The following FAM227B variants were observed in gnomAD, a reference collection of about 807,000 sequenced individuals.
FAM227B encodes the protein family with sequence similarity 227 member B, also known as protein FAM227B.
Under a neutral mutation model 73.8 loss-of-function variants are expected in FAM227B, and 88 were observed. That is an observed-to-expected ratio of 1.19 (90% confidence interval 1.00 to 1.42). The LOEUF (loss-of-function observed/expected upper bound fraction) is 1.42. FAM227B is among the 40% of genes most tolerant of loss of function. The pLI is 0.00. For synonymous variants in FAM227B, 210 were observed against 190.5 expected (o/e 1.10, Z -0.84); for missense variants, 632 against 590.9 (o/e 1.07, Z -0.72).
intron 13 of FAM227B, among the ~76,000 whole-genome samples, chr15:49,352,370 A>T (rs1189764231): frequency 6.6e-6 from 1 of 152,226 alleles, no homozygotes; most frequent in Non-Finnish European, 1.5e-5. Context: ...TAACAGGAGC[A>T]TGTGGGAAGG....
At chr15:49,508,640 T>C (rs972268915) in intron 10 of FAM227B, among the ~76,000 whole-genome samples, 6 of 152,042 alleles carry the variant, frequency 3.9e-5, no homozygotes, top group Admixed American at 2.6e-4. Context: ...TAATATTATA[T>C]GTTAACAATA....
At chr15:49,588,202 A>C (rs2076289537) in intron 4 of FAM227B, 119 bp from the exon 5 acceptor site, 1 of 565,972 alleles carries the variant, frequency 1.8e-6, no homozygotes, top group African/African-American at 1.9e-5. Flanking sequence ...GAAATCAATT[A>C]GCAATTGTGA....
chr15:49,401,962 T>G (rs2048187264), intron 11 of FAM227B, among the ~76,000 whole-genome samples: 1 of 150,628 alleles, frequency 6.6e-6, no homozygotes, highest in Non-Finnish European at 1.5e-5. Context: ...GTAACTAACC[T>G]GCACAATGTG....
In FAM227B at chr15:49,466,231, G is replaced by A. The variant is rs193185337; in HGVS notation, c.1012+41980C>T. On this transcript the variant is annotated intron_variant, in intron 11 of 15. Coordinates refer to ENST00000299338, the MANE Select transcript of FAM227B (RefSeq NM_152647.3). ...TGTTGGATCAGACTTTCTGAGGAACGGGAACTGGAAACCTGAAAATCTTTT... is the reference window on the plus strand; with the variant it reads ...TGTTGGATCAGACTTTCTGAGGAACAGGAACTGGAAACCTGAAAATCTTTT... Among the ~76,000 whole-genome samples the A allele has an allele frequency of 1.4e-3, 208 of 152,272 alleles. No homozygotes were observed. The South Asian group carries it at 0.019, about 14-fold the overall frequency.
intron 9 of FAM227B, among the ~76,000 whole-genome samples, chr15:49,552,788 T>C (rs983916540): frequency 5.3e-5 from 8 of 152,140 alleles, no homozygotes. Flanking sequence ...AGTGTGCCAA[T>C]TGCATTTTCA....
rs535464559 is a variant in FAM227B at position 49,472,463 on chromosome 15, G to C, written c.1012+35748C>G. On this transcript the variant is annotated intron_variant, in intron 11 of 15. Coordinates refer to ENST00000299338, the MANE Select transcript of FAM227B (RefSeq NM_152647.3). Reference sequence around the variant, plus strand: ...TGCCATAGGACACTTCAGTTAAATCGCATCAGCTAAAACTTGGTCACATGG... The same window carrying C: ...TGCCATAGGACACTTCAGTTAAATCCCATCAGCTAAAACTTGGTCACATGG... Among the ~76,000 whole-genome samples, 32 of 152,230 alleles carry C rather than the reference G, an allele frequency of 2.1e-4. No individual in the cohort carries two copies. In the South Asian group the frequency reaches 4.6e-3, roughly 22 times the overall value.
chr15:49,434,268 A>C (rs2050883434), intron 11 of FAM227B: 1 of 151,608 alleles, frequency 6.6e-6, no homozygotes, highest in African/African-American at 2.4e-5. Context: ...AGATATGCAA[A>C]ATTTTAAAGG....
At chr15:49,383,518 T>C (rs1454238023) in intron 11 of FAM227B, among the ~76,000 whole-genome samples, 2 of 152,160 alleles carry the variant, frequency 1.3e-5, no homozygotes, top group African/African-American at 4.8e-5. Context: ...ACTCACTTTG[T>C]TGCAATATTT....
intron 11 of FAM227B, among the ~76,000 whole-genome samples, chr15:49,403,195 G>A (rs2048292291): frequency 6.6e-6 from 1 of 152,110 alleles, no homozygotes; most frequent in Non-Finnish European, 1.5e-5. Flanking sequence ...ATTTGGTTGA[G>A]GATTTTTGCA....
chr15:49,354,703 AAC>A (rs1491310215), intron 13 of FAM227B, among the ~76,000 whole-genome samples: 13 of 152,198 alleles, frequency 8.5e-5, no homozygotes, highest in Admixed American at 2.6e-4. Flanking sequence ...AGGTAAACAA[AAC>A]AGTCGGGAAG....
At chr15:49,560,200 T>TA (rs35808200) in intron 9 of FAM227B, among the ~76,000 whole-genome samples, 38,091 of 151,868 alleles carry the variant, frequency 0.25, 5,753 homozygotes, top group Non-Finnish European at 0.35. Flanking sequence ...GCACTGGAAA[T>TA]AAAAAACTCA....
At chr15:49,402,394 A>T (rs1450568915) in intron 11 of FAM227B, among the ~76,000 whole-genome samples, 1 of 152,148 alleles carries the variant, frequency 6.6e-6, no homozygotes, top group Non-Finnish European at 1.5e-5. Flanking sequence ...CACAATATTG[A>T]TTCTGTCTAT....
At chr15:49,372,110 T>A (rs1285205048) in intron 11 of FAM227B, among the ~76,000 whole-genome samples, 1 of 91,148 alleles carries the variant, frequency 1.1e-5, no homozygotes, top group Non-Finnish European at 2.4e-5. Flanking sequence ...GAAATAAAAT[T>A]CATTTATAAA....
chr15:49,478,410 G>A (rs1424966923), intron 11 of FAM227B, among the ~76,000 whole-genome samples: 1 of 151,298 alleles, frequency 6.6e-6, no homozygotes, highest in Admixed American at 6.6e-5. Context: ...TTGCATATAT[G>A]TATATGTCGG....
chr15:49,607,838 T>G (rs952169499), intron 3 of FAM227B, among the ~76,000 whole-genome samples: 2 of 152,196 alleles, frequency 1.3e-5, no homozygotes, highest in South Asian at 4.1e-4. Flanking sequence ...TATCTTGGAG[T>G]AGATCATATC....
Position 49,433,426 on chromosome 15 carries a change from C to T in FAM227B, c.1013-62027G>A, listed in dbSNP as rs542058271. ...AAAAGAGGGGAGAAAGATTAGTGAT[C>T]ACTCAATATATTTATCCTTTAATTT... On this transcript the variant is annotated intron_variant, in intron 11 of 15. Transcript: ENST00000299338. Among the ~76,000 whole-genome samples, 18 of 151,672 alleles carry T rather than the reference C, an allele frequency of 1.2e-4. No homozygotes were observed. The South Asian group carries it at 1.5e-3, about 12-fold the overall frequency.
chr15:49,430,237 T>C (rs996765084), intron 11 of FAM227B, among the ~76,000 whole-genome samples: 2 of 151,942 alleles, frequency 1.3e-5, no homozygotes, highest in Admixed American at 1.3e-4. Flanking sequence ...ATAGGTTCTG[T>C]ACCACAGCCT....
chr15:49,379,929 A>C (rs976894004), intron 11 of FAM227B, among the ~76,000 whole-genome samples: 5 of 152,118 alleles, frequency 3.3e-5, no homozygotes, highest in Admixed American at 1.3e-4. Flanking sequence ...AGGGCTTTAC[A>C]ATCAGCTGGT....
At chr15:49,422,517 G>A in intron 11 of FAM227B, 1 of 1,283,626 alleles carries the variant, frequency 7.8e-7, no homozygotes, top group Non-Finnish European at 9.9e-7. Context: ...TTTAAAAGTA[G>A]GTGCCCTGTT....
Sources: gnomAD v4.1 joint callset for allele counts (sites outside exome capture counted in the v4.1 genomes callset) on GRCh38, gnomAD v4.1.1 for gene constraint, MANE v1.5 for transcripts, NCBI Gene and HGNC (gene_info 2026-07-23, HGNC 2026-07-21) for gene names.